The following DCDC2 variants were observed in gnomAD, a reference collection of about 807,000 sequenced individuals.
The protein encoded by DCDC2 is doublecortin domain-containing protein 2.
DCDC2 carries 40 observed loss-of-function variants against 50.2 expected under a neutral mutation model. That is an observed-to-expected ratio of 0.80 (90% CI 0.62 to 1.04). DCDC2 has a LOEUF of 1.04. Among genes scored for constraint, DCDC2 ranks in the 50% least tolerant of loss-of-function variants. The pLI is 0.00. For missense variants in DCDC2, 570 were observed against 581.9 expected (o/e 0.98, Z 0.21); for synonymous variants, 234 against 210.6 (o/e 1.11, Z -0.96).
At chr6:24,350,542 A>T (rs1164027006) in intron 2 of DCDC2, among the ~76,000 whole-genome samples, 1 of 152,126 alleles carries the variant, frequency 6.6e-6, no homozygotes, top group Non-Finnish European at 1.5e-5. Flanking sequence ...CAGGCCCATC[A>T]CTGAAAACTC....
At chr6:24,348,067 C>T (rs941517339) in intron 2 of DCDC2, among the ~76,000 whole-genome samples, 1 of 152,126 alleles carries the variant, frequency 6.6e-6, no homozygotes, top group Non-Finnish European at 1.5e-5. Flanking sequence ...ATGTTAAAGC[C>T]TAATCAGAAG....
At chr6:24,254,058 C>G (rs776986771) in intron 7 of DCDC2, among the ~76,000 whole-genome samples, 1 of 152,038 alleles carries the variant, frequency 6.6e-6, no homozygotes, top group Non-Finnish European at 1.5e-5. Flanking sequence ...AATTTTTAAA[C>G]CTTTTCGTTA....
At chr6:24,234,691 G>A (rs188783012) in intron 7 of DCDC2, among the ~76,000 whole-genome samples, 54 of 152,266 alleles carry the variant, frequency 3.5e-4, no homozygotes, top group Middle Eastern at 6.8e-3. Context: ...CTAGATTTCA[G>A]GCATAAGTAG....
At chr6:24,374,577 C>CAAAAAA in the DCDC2 span, among the ~76,000 whole-genome samples, 208 of 57,364 alleles carry the variant, frequency 3.6e-3, 12 homozygotes, top group East Asian at 0.01. Flanking sequence ...AGACTCCATC[C>CAAAAAA]AAAAAAAAAA....
In DCDC2 at chr6:24,317,000, G is replaced by A. The variant is rs1023925994; in HGVS notation, c.349-14956C>T. On this transcript the variant is annotated intron_variant, in intron 2 of 9. Coordinates refer to ENST00000378454, the MANE Select transcript of DCDC2 (RefSeq NM_016356.5). ...GTATATACATATATATGTAGAGAGA[G>A]AGAGAGAGAGACAAATTTGACTTCG... Among the ~76,000 whole-genome samples the A allele has an allele frequency of 2.0e-5, 3 of 151,972 alleles. 1 individual carries two copies. The highest frequency in any genetic ancestry group is 4.4e-5 in the Non-Finnish European group (3 of 67,966).
chr6:24,198,577 G>A lies in DCDC2; in HGVS notation c.1023+6425C>T, dbSNP rs577521462. ...TGGGTTTCAAGCACAAAACTGGGCAGCCATTTTGGGCAGACACCAAGCTAG... is the reference window on the plus strand; with the variant it reads ...TGGGTTTCAAGCACAAAACTGGGCAACCATTTTGGGCAGACACCAAGCTAG... On this transcript the variant is annotated intron_variant, in intron 8 of 9. Transcript: ENST00000378454. Among the ~76,000 whole-genome samples the A allele has an allele frequency of 2.0e-5, 3 of 151,946 alleles. No individual in the cohort carries two copies. In the South Asian group the frequency reaches 6.3e-4, roughly 32 times the overall value.
intron 2 of DCDC2, among the ~76,000 whole-genome samples, chr6:24,322,492 C>CTT (rs56932924): frequency 0.064 from 9,119 of 142,216 alleles, 480 homozygotes; most frequent in Admixed American, 0.13. Context: ...GTTTTCCTTC[C>CTT]TTTTTTTTTT....
intron 2 of DCDC2, among the ~76,000 whole-genome samples, chr6:24,310,914 C>T (rs1266285852): frequency 6.6e-6 from 1 of 151,974 alleles, no homozygotes; most frequent in Non-Finnish European, 1.5e-5. Context: ...TTTATCTGTC[C>T]CCTTCTTACC....
chr6:24,291,754 G>C (rs1300120729), intron 4 of DCDC2, among the ~76,000 whole-genome samples: 1 of 151,912 alleles, frequency 6.6e-6, no homozygotes, highest in South Asian at 2.1e-4. Flanking sequence ...CAAAGTGCTG[G>C]GATTACAGGC....
chr6:24,373,117 C>G, the DCDC2 span, among the ~76,000 whole-genome samples: 1 of 152,034 alleles, frequency 6.6e-6, no homozygotes, highest in Non-Finnish European at 1.5e-5. Flanking sequence ...TGCAGAAAAA[C>G]AGGAACTCTC....
chr6:24,259,662 T>C (rs1056371279), intron 7 of DCDC2, among the ~76,000 whole-genome samples: 4 of 152,244 alleles, frequency 2.6e-5, no homozygotes, highest in Non-Finnish European at 4.4e-5. Context: ...GAGATTTAAA[T>C]GCTGAAACTG....
intron 7 of DCDC2, among the ~76,000 whole-genome samples, chr6:24,273,780 C>T (rs190454553): frequency 5.3e-5 from 8 of 152,276 alleles, no homozygotes; most frequent in South Asian, 2.1e-4. Flanking sequence ...ATGCTTGGGG[C>T]GATGCAGGCA....
chr6:24,217,046 CA>C (rs1356280712), intron 7 of DCDC2, among the ~76,000 whole-genome samples: 1 of 151,976 alleles, frequency 6.6e-6, no homozygotes, highest in Non-Finnish European at 1.5e-5. Flanking sequence ...TGAAAGCATT[CA>C]ATTTACTATA....
chr6:24,323,456 T>C (rs1192662774), intron 2 of DCDC2, among the ~76,000 whole-genome samples: 1 of 152,084 alleles, frequency 6.6e-6, no homozygotes, highest in African/African-American at 2.4e-5. Context: ...TCAATTTTAA[T>C]GTTCTAGTGT....
chr6:24,180,881 C>T (rs963714223), intron 8 of DCDC2, among the ~76,000 whole-genome samples: 1 of 152,104 alleles, frequency 6.6e-6, no homozygotes, highest in African/African-American at 2.4e-5. Context: ...GAAAAAAATT[C>T]CACACATTAT....
At chr6:24,220,841 T>C (rs1762081336) in intron 7 of DCDC2, among the ~76,000 whole-genome samples, 1 of 21,488 alleles carries the variant, frequency 4.7e-5, no homozygotes, top group African/African-American at 3.9e-4. Context: ...AGTCACATCT[T>C]ACATGGCGGC....
chr6:24,340,665 C>G (rs981170870), intron 2 of DCDC2, among the ~76,000 whole-genome samples: 1 of 152,068 alleles, frequency 6.6e-6, no homozygotes, highest in African/African-American at 2.4e-5. Flanking sequence ...GGAGTTTTAT[C>G]ACTTAGAATA....
At chr6:24,379,877 C>A in the DCDC2 span, among the ~76,000 whole-genome samples, 2 of 152,116 alleles carry the variant, frequency 1.3e-5, no homozygotes, top group African/African-American at 2.4e-5. Flanking sequence ...ATGATGAGTT[C>A]ATGTCCTTTG....
intron 7 of DCDC2, among the ~76,000 whole-genome samples, chr6:24,243,533 T>C (rs1210191350): frequency 2.0e-5 from 3 of 152,176 alleles, no homozygotes; most frequent in African/African-American, 4.8e-5. Flanking sequence ...TGCCATCTTA[T>C]GAGTGTTAGC....
Sources: gnomAD v4.1 joint callset for allele counts (sites outside exome capture counted in the v4.1 genomes callset) on GRCh38, gnomAD v4.1.1 for gene constraint, MANE v1.5 for transcripts, NCBI Gene and HGNC (gene_info 2026-07-23, HGNC 2026-07-21) for gene names.